The following XPO7 variants were observed in gnomAD, a reference collection of about 807,000 sequenced individuals.
The protein encoded by XPO7 is exportin 7.
A neutral mutation model predicts 144.3 loss-of-function variants in XPO7; 21 were observed. The ratio of observed to expected loss-of-function variants is 0.15; its 90% CI spans 0.10 to 0.21. The LOEUF is 0.21. Ranked by LOEUF, XPO7 falls within the 10% of genes least tolerant of loss-of-function variation. The pLI is 1.00. For synonymous variants in XPO7, 580 were observed against 499.6 expected (o/e 1.16, Z -2.15); for missense variants, 808 against 1,325.8 (o/e 0.61, Z 6.06).
chr8:21,942,348 A>G (rs116142540), intron 1 of XPO7, among the ~76,000 whole-genome samples: 2,454 of 152,336 alleles, frequency 0.016, 74 homozygotes, highest in African/African-American at 0.057. Context: ...AACAATTTTT[A>G]GAATATGTGA....
At chr8:21,927,373 G>C (rs752657050) in intron 1 of XPO7, among the ~76,000 whole-genome samples, 59 of 152,116 alleles carry the variant, frequency 3.9e-4, no homozygotes, top group Non-Finnish European at 6.3e-4. Context: ...TACAGGGAGA[G>C]CAGAATGTTG....
At chr8:21,960,842 T>C (rs1398508709) in intron 1 of XPO7, among the ~76,000 whole-genome samples, 1 of 152,254 alleles carries the variant, frequency 6.6e-6, no homozygotes, top group Non-Finnish European at 1.5e-5. Flanking sequence ...AAAGTGCAGC[T>C]GTAGGTTGTT....
At chr8:21,955,664 C>G (rs905838378) in intron 1 of XPO7, among the ~76,000 whole-genome samples, 1 of 149,296 alleles carries the variant, frequency 6.7e-6, no homozygotes, top group Non-Finnish European at 1.5e-5. Context: ...TCCCTCTTCT[C>G]TGTTGGGTTT....
In XPO7 at chr8:21,999,689, T is replaced by TG. The variant is rs1003485608; in HGVS notation, c.2782+18dup. The TG allele has an allele frequency of 6.2e-7, 1 of 1,613,554 alleles. No individual in the cohort carries two copies. The highest frequency in any genetic ancestry group is 8.5e-7 in the Non-Finnish European group (1 of 1,179,676). The stretch of plus-strand genomic sequence containing the variant: ...TACTGCACTTGGTAAGCACCTGAGG[T>TG]GGGTGGGTGAGTTGGTGGGTTTGTT... On this transcript the variant is annotated intron_variant, in intron 24 of 27. Coordinates refer to ENST00000252512, the MANE Select transcript of XPO7 (RefSeq NM_015024.5).
At chr8:21,984,959 T>C in intron 12 of XPO7, 120 bp downstream of exon 12, 2 of 1,048,264 alleles carry the variant, frequency 1.9e-6, no homozygotes, top group African/African-American at 1.6e-5. Context: ...ATCTGTTGTC[T>C]CCATATGCAC....
chr8:21,939,833 G>A (rs778062776), intron 1 of XPO7, among the ~76,000 whole-genome samples: 3 of 152,128 alleles, frequency 2.0e-5, no homozygotes, highest in Non-Finnish European at 4.4e-5. Context: ...AAACCAAGGA[G>A]AATTCATTGA....
Position 21,976,424 on chromosome 8 carries a change from C to T in XPO7, c.666C>T (p.Leu222=). Residue 222 remains leucine, a synonymous_variant, in exon 7 of 28, where the codon CTC becomes CTT. Transcript: ENST00000252512. ...GCTTGCTCATGCAACTGCTCAAGCTCACTCATAACTGCCTCAACTTTGACT... is the reference window on the plus strand; with the variant it reads ...GCTTGCTCATGCAACTGCTCAAGCTTACTCATAACTGCCTCAACTTTGACT... ...QHGLLMQLLK[L]THNCLNFDFI... is the part of the protein sequence containing the mutation. The T allele has an allele frequency of 1.2e-6, 2 of 1,614,004 alleles. No individual in the cohort carries two copies. Among genetic ancestry groups the T allele is most frequent in the Non-Finnish European group, 1.7e-6 (2 of 1,179,896 alleles).
At chr8:21,931,106 A>G (rs1422842923) in intron 1 of XPO7, among the ~76,000 whole-genome samples, 1 of 151,862 alleles carries the variant, frequency 6.6e-6, no homozygotes, top group East Asian at 1.9e-4. Flanking sequence ...TGCTTCCCAA[A>G]GTGCTGGGAT....
intron 1 of XPO7, among the ~76,000 whole-genome samples, chr8:21,946,850 A>G (rs1364780263): frequency 3.3e-5 from 5 of 152,192 alleles, no homozygotes; most frequent in Non-Finnish European, 7.3e-5. Context: ...CATCACCTGC[A>G]GAGAACAGAC....
In XPO7 at chr8:21,999,137, T is replaced by C. The variant is rs1813051270; in HGVS notation, c.2475T>C (p.Tyr825=). Residue 825 remains tyrosine (Y), a synonymous_variant, in exon 23 of 28, where the codon TAT becomes TAC. Coordinates refer to ENST00000252512, the MANE Select transcript of XPO7 (RefSeq NM_015024.5). The stretch of plus-strand genomic sequence containing the variant: ...GAGAGGTCCCAAAGGATCAGGTCTA[T>C]GCTCTGAAGCTCAAGGGCATCTCCA... The part of the protein sequence containing the change: ...TLGEVPKDQV[Y]ALKLKGISIC... 1.2e-6 allele frequency: 2 copies of C among 1,613,976 alleles called. No individual in the cohort carries two copies. Among genetic ancestry groups the C allele is most frequent in the Middle Eastern group, 1.6e-4 (1 of 6,062 alleles).
intron 1 of XPO7, among the ~76,000 whole-genome samples, chr8:21,940,174 G>A (rs1033604438): frequency 1.1e-4 from 16 of 151,994 alleles, no homozygotes; most frequent in African/African-American, 3.9e-4. Flanking sequence ...TAAAAGTAAT[G>A]GTAAAAATAA....
At position 21,964,562 on chromosome 8, in the gene XPO7, C is replaced by T. The variant is rs575593319; in HGVS notation, c.19-2295C>T. 7.0e-3 allele frequency among the ~76,000 whole-genome samples: 1,066 copies of T among 152,072 alleles called. 14 individuals carry two copies. Among genetic ancestry groups the T allele is most frequent in the South Asian group, 0.029 (141 of 4,818 alleles). Reference sequence around the variant, plus strand: ...AAATGACCCTGTTTTTCAGATGTTTCCACTAATTGTTTAGGAAAACAAAAT... The same window carrying T: ...AAATGACCCTGTTTTTCAGATGTTTTCACTAATTGTTTAGGAAAACAAAAT... On this transcript the variant is annotated intron_variant, in intron 1 of 27. Transcript: ENST00000252512.
chr8:21,922,686 C>T (rs569340826), intron 1 of XPO7, among the ~76,000 whole-genome samples: 119 of 151,118 alleles, frequency 7.9e-4, no homozygotes, highest in African/African-American at 2.8e-3. Context: ...TTCAGGAGCT[C>T]GAGAGGAAAA....
At chr8:21,957,361 C>G (rs1318108121) in intron 1 of XPO7, among the ~76,000 whole-genome samples, 2 of 152,080 alleles carry the variant, frequency 1.3e-5, no homozygotes, top group Non-Finnish European at 2.9e-5. Context: ...CCCTGTTTCT[C>G]CTTCTTTGGG....
intron 1 of XPO7, among the ~76,000 whole-genome samples, chr8:21,934,323 C>T (rs767502938): frequency 3.3e-5 from 5 of 152,108 alleles, no homozygotes; most frequent in African/African-American, 9.6e-5. Flanking sequence ...CACCTGAGGT[C>T]GGGAGTTTGA....
At chr8:21,966,252 A>G (rs767912555) in intron 1 of XPO7, 3 of 778,246 alleles carry the variant, frequency 3.9e-6, no homozygotes, top group Non-Finnish European at 7.2e-6. Flanking sequence ...CCAAAGTAAG[A>G]GTTTAAAGTG....
At chr8:21,968,921 A>G (rs1811966828) in intron 2 of XPO7, among the ~76,000 whole-genome samples, 1 of 152,210 alleles carries the variant, frequency 6.6e-6, no homozygotes, top group Non-Finnish European at 1.5e-5. Flanking sequence ...CTTTCTCACA[A>G]ATAACCTTAA....
At chr8:21,996,074 C>G (rs1812939622) in intron 21 of XPO7, among the ~76,000 whole-genome samples, 1 of 152,206 alleles carries the variant, frequency 6.6e-6, no homozygotes, top group Admixed American at 6.5e-5. Flanking sequence ...CTCGGCCTCC[C>G]AAAGTGCTGG....
chr8:21,990,916 T>A lies in XPO7; in HGVS notation c.2038T>A (p.Leu680Ile). The A allele has an allele frequency of 6.2e-7, 1 of 1,613,756 alleles. No individual in the cohort carries two copies. The highest frequency in any genetic ancestry group is 8.5e-7 in the Non-Finnish European group (1 of 1,179,690). The change falls in exon 18 of 28, where the codon TTA becomes ATA. Residue 680 changes from leucine (L) to isoleucine (I), a missense_variant. Leu to Ile is a conservative substitution (Grantham distance 5). Around this residue, in one of 5 missense-constraint regions of XPO7, gnomAD observed 416 missense variants for 612.5 expected, o/e 0.68. Transcript: ENST00000252512. ...TALGRLLMVD[L>I]GEDEDQYEQF... The stretch of plus-strand genomic sequence containing the variant: ...ACTTGGGCGTCTCCTCATGGTGGAT[T>A]TAGGTACCGTAAGAAATCGTAGTGG...
Sources: gnomAD v4.1 joint callset for allele counts (sites outside exome capture counted in the v4.1 genomes callset) on GRCh38, gnomAD v4.1.1 for gene constraint, gnomAD v4.1.1 regional missense constraint, MANE v1.5 for transcripts, NCBI Gene and HGNC (gene_info 2026-07-23, HGNC 2026-07-21) for gene names.